Variants in SEMA3A observed in about 807,000 individuals in gnomAD.
SEMA3A encodes semaphorin-3A.
A neutral mutation model predicts 97.9 loss-of-function variants in SEMA3A; 29 were observed. That is an observed-to-expected ratio of 0.30 (90% confidence interval 0.22 to 0.40). The LOEUF (loss-of-function observed/expected upper bound fraction) is 0.40, where lower values mean the gene tolerates loss of function less well. Among genes scored for constraint, SEMA3A ranks in the 10% least tolerant of loss-of-function variants. SEMA3A has a pLI of 1.00. For synonymous variants in SEMA3A, 321 were observed against 323.7 expected (o/e 0.99, Z 0.09); for missense variants, 763 against 951.3 (o/e 0.80, Z 2.60).
At chr7:83,989,053 T>C (rs1432427809) in intron 12 of SEMA3A, among the ~76,000 whole-genome samples, 1 of 152,116 alleles carries the variant, frequency 6.6e-6, no homozygotes, top group Non-Finnish European at 1.5e-5. Flanking sequence ...TAAGGAAAAT[T>C]TTCCACAGAT....
At chr7:84,466,621 C>T (rs1002331481) in intron 1 of SEMA3A, among the ~76,000 whole-genome samples, 2 of 152,208 alleles carry the variant, frequency 1.3e-5, no homozygotes, top group East Asian at 1.9e-4. Context: ...GCCTCAATTT[C>T]GTATTAGCAT....
At chr7:84,402,120 A>G (rs1803921311) in intron 1 of SEMA3A, among the ~76,000 whole-genome samples, 1 of 152,200 alleles carries the variant, frequency 6.6e-6, no homozygotes, top group Admixed American at 6.5e-5. Flanking sequence ...TTGCTAGAAA[A>G]TATAAGGAAG....
In SEMA3A at chr7:84,068,664, C is replaced by T. The variant is rs568917076; in HGVS notation, c.454-8106G>A. Among the ~76,000 whole-genome samples the T allele has an allele frequency of 7.2e-5, 11 of 152,138 alleles. No individual in the cohort carries two copies. In the South Asian group the frequency reaches 1.7e-3, roughly 23 times the overall value. ...ATTTTACACTACTGACACAGACAGA[C>T]GTGCTATCTCCTCAAAGCATAAGAT... On this transcript the variant is annotated intron_variant, in intron 4 of 16. Transcript: ENST00000265362.
intron 1 of SEMA3A, among the ~76,000 whole-genome samples, chr7:84,424,770 A>C (rs1804730737): frequency 9.9e-6 from 1 of 101,462 alleles, no homozygotes; most frequent in Admixed American, 1.6e-4. Context: ...ATTTAGATAT[A>C]AATATATAAT....
At chr7:84,097,380 A>C (rs1304091213) in intron 4 of SEMA3A, among the ~76,000 whole-genome samples, 1 of 152,176 alleles carries the variant, frequency 6.6e-6, no homozygotes, top group African/African-American at 2.4e-5. Flanking sequence ...GTGTACATGC[A>C]TAGTGAATAG....
chr7:84,129,174 T>C lies in SEMA3A; in HGVS notation c.282A>G (p.Pro94=), dbSNP rs1795885826. ...ATTCATCTCTTCTGGTGTAAGATAC[T>C]GGCCACACAATCTAAGGACAGAGAA... The part of the protein sequence containing the change: ...NIKDFQKIVW[P]VSYTRRDECK... Residue 94 remains proline, a synonymous_variant, in exon 3 of 17, where the codon CCA becomes CCG. Transcript: ENST00000265362. 3 of 1,612,884 alleles carry C rather than the reference T, an allele frequency of 1.9e-6. No homozygotes were observed. Among genetic ancestry groups the C allele is most frequent in the Non-Finnish European group, 2.5e-6 (3 of 1,178,958 alleles).
intron 3 of SEMA3A, among the ~76,000 whole-genome samples, chr7:84,216,746 T>C (rs1798763978): frequency 6.6e-6 from 1 of 152,116 alleles, no homozygotes; most frequent in Non-Finnish European, 1.5e-5. Context: ...GGACGTCCAG[T>C]TGACAGACTC....
intron 3 of SEMA3A, among the ~76,000 whole-genome samples, chr7:84,248,512 T>C (rs1799526689): frequency 6.6e-6 from 1 of 152,222 alleles, no homozygotes; most frequent in African/African-American, 2.4e-5. Flanking sequence ...ACATGTCTTT[T>C]TGTGAGAGTC....
chr7:84,329,507 A>G (rs1801860657), intron 2 of SEMA3A, among the ~76,000 whole-genome samples: 1 of 152,020 alleles, frequency 6.6e-6, no homozygotes, highest in South Asian at 2.1e-4. Context: ...AAAAGGCTGG[A>G]CATGTGTGGT....
intron 1 of SEMA3A, among the ~76,000 whole-genome samples, chr7:84,395,202 A>C (rs577123556): frequency 1.2e-4 from 19 of 152,120 alleles, no homozygotes; most frequent in Non-Finnish European, 2.2e-4. Flanking sequence ...CATAGTTTTC[A>C]CATAGACTTG....
At chr7:84,251,183 A>G (rs1348945621) in intron 3 of SEMA3A, among the ~76,000 whole-genome samples, 1 of 152,234 alleles carries the variant, frequency 6.6e-6, no homozygotes. Context: ...TCTTTGTTCT[A>G]TGCGACTGAC....
At chr7:84,224,062 G>T (rs1040162052) in intron 3 of SEMA3A, among the ~76,000 whole-genome samples, 1 of 151,884 alleles carries the variant, frequency 6.6e-6, no homozygotes, top group Non-Finnish European at 1.5e-5. Context: ...TACATTATTA[G>T]ATATTGAGAA....
intron 6 of SEMA3A, among the ~76,000 whole-genome samples, chr7:84,032,467 T>C (rs561063592): frequency 4.6e-5 from 7 of 152,284 alleles, no homozygotes; most frequent in Admixed American, 4.6e-4. Flanking sequence ...GAATAACATG[T>C]TTAACTGCAA....
chr7:84,479,171 G>T (rs917962949), intron 1 of SEMA3A, among the ~76,000 whole-genome samples: 5 of 152,164 alleles, frequency 3.3e-5, no homozygotes, highest in Non-Finnish European at 7.4e-5. Flanking sequence ...GCATCAAGTA[G>T]GGTCTGCTTT....
At chr7:84,030,987 GTTTTTTT>G (rs10615974) in intron 6 of SEMA3A, among the ~76,000 whole-genome samples, 2 of 95,018 alleles carry the variant, frequency 2.1e-5, no homozygotes, top group Non-Finnish European at 3.9e-5. Context: ...TTTTGGTCAA[GTTTTTTT>G]TTTTTTTTTT....
chr7:84,476,184 G>A (rs970638423), intron 1 of SEMA3A, among the ~76,000 whole-genome samples: 12 of 151,778 alleles, frequency 7.9e-5, no homozygotes, highest in South Asian at 4.2e-4. Flanking sequence ...GTGAAACCCC[G>A]TCTCTACTAA....
At chr7:84,393,687 A>G (rs1803650111) in intron 1 of SEMA3A, among the ~76,000 whole-genome samples, 1 of 152,130 alleles carries the variant, frequency 6.6e-6, no homozygotes, top group Non-Finnish European at 1.5e-5. Flanking sequence ...TGCCTGTTTT[A>G]TCAGAGAGTA....
intron 3 of SEMA3A, among the ~76,000 whole-genome samples, chr7:84,279,079 A>C (rs978219220): frequency 2.0e-5 from 3 of 152,186 alleles, no homozygotes; most frequent in African/African-American, 7.2e-5. Flanking sequence ...AGTCACAGTT[A>C]GGCAAAATTA....
chr7:84,058,954 C>A (rs537965401), intron 5 of SEMA3A, among the ~76,000 whole-genome samples: 1 of 152,150 alleles, frequency 6.6e-6, no homozygotes, highest in East Asian at 1.9e-4. Flanking sequence ...TCTTTCTCAG[C>A]GGAATATTAA....
Sources: gnomAD v4.1 joint callset for allele counts (sites outside exome capture counted in the v4.1 genomes callset) on GRCh38, gnomAD v4.1.1 for gene constraint, MANE v1.5 for transcripts, NCBI Gene and HGNC (gene_info 2026-07-23, HGNC 2026-07-21) for gene names.